Variants in CDH2 observed in about 807,000 individuals in gnomAD.
CDH2 encodes cadherin 2.
Under a neutral mutation model 92.0 loss-of-function variants are expected in CDH2, and 17 were observed. The observed-to-expected ratio is 0.18, with a 90% confidence interval of 0.13 to 0.28. CDH2 has a LOEUF of 0.28. Among genes scored for constraint, CDH2 ranks in the 10% least tolerant of loss-of-function variants. The pLI is 1.00. For missense variants in CDH2, 862 were observed against 1,133.1 expected (o/e 0.76, Z 3.44); for synonymous variants, 419 against 415.9 (o/e 1.01, Z -0.09).
intron 2 of CDH2, among the ~76,000 whole-genome samples, chr18:28,103,455 TATACACATAAAGTATGTATATATATAC>T: frequency 7.2e-6 from 1 of 138,948 alleles, no homozygotes; most frequent in South Asian, 2.2e-4. Context: ...TATATATATA[TATACACATAAAGTATGTATATATATAC>T]ACACACACAC....
chr18:28,144,846 G>A (rs914726225), intron 2 of CDH2, among the ~76,000 whole-genome samples: 2 of 151,986 alleles, frequency 1.3e-5, no homozygotes, highest in African/African-American at 4.8e-5. Flanking sequence ...TTAAAAACTA[G>A]AAGATAAATG....
At chr18:28,163,908 T>C (rs919357242) in intron 1 of CDH2, among the ~76,000 whole-genome samples, 9 of 152,220 alleles carry the variant, frequency 5.9e-5, no homozygotes, top group African/African-American at 1.7e-4. Context: ...CTCTGCCAGA[T>C]AGTAGTTAAC....
chr18:28,049,697 C>T (rs1052613766), intron 2 of CDH2, among the ~76,000 whole-genome samples: 14 of 152,200 alleles, frequency 9.2e-5, no homozygotes, highest in Admixed American at 2.0e-4. Flanking sequence ...GACAACCAAC[C>T]TCCACAACAA....
At chr18:28,029,332 T>C (rs1173952188) in intron 2 of CDH2, among the ~76,000 whole-genome samples, 1 of 152,148 alleles carries the variant, frequency 6.6e-6, no homozygotes, top group Non-Finnish European at 1.5e-5. Context: ...CATGTAAAAA[T>C]GTCTGACTTT....
intron 7 of CDH2, among the ~76,000 whole-genome samples, chr18:27,997,277 T>C (rs1168471407): frequency 6.6e-6 from 1 of 152,188 alleles, no homozygotes; most frequent in Non-Finnish European, 1.5e-5. Context: ...CAGTCATTCA[T>C]ACAGCAGACA....
intron 1 of CDH2, among the ~76,000 whole-genome samples, chr18:28,154,494 G>T (rs186767940): frequency 2.6e-5 from 4 of 152,222 alleles, no homozygotes; most frequent in Non-Finnish European, 5.9e-5. Context: ...TCCTTGTCTA[G>T]AGAGGACAGA....
chr18:28,007,337 A>G (rs1300221368), intron 5 of CDH2, among the ~76,000 whole-genome samples: 2 of 151,760 alleles, frequency 1.3e-5, no homozygotes, highest in Non-Finnish European at 2.9e-5. Flanking sequence ...CCTTTCCTCT[A>G]GAATAGATTC....
intron 2 of CDH2, among the ~76,000 whole-genome samples, chr18:28,043,880 AG>A (rs1368972037): frequency 3.6e-5 from 5 of 139,004 alleles, no homozygotes; most frequent in African/African-American, 1.3e-4. Flanking sequence ...CATCTTTCTC[AG>A]AATCTCGGAT....
intron 2 of CDH2, among the ~76,000 whole-genome samples, chr18:28,048,545 A>G (rs966232708): frequency 4.6e-5 from 7 of 152,192 alleles, no homozygotes; most frequent in Admixed American, 4.6e-4. Context: ...CTCCCAAAGC[A>G]TACAAAGTGG....
intron 2 of CDH2, among the ~76,000 whole-genome samples, chr18:28,043,041 C>A (rs1023919389): frequency 6.6e-6 from 1 of 152,150 alleles, no homozygotes; most frequent in Non-Finnish European, 1.5e-5. Context: ...CAAGAATTAT[C>A]ATCAGCATAT....
intron 6 of CDH2, among the ~76,000 whole-genome samples, chr18:27,945,323 ATTTTTTTTTT>A (rs66537834): frequency 1.2e-4 from 8 of 66,460 alleles, no homozygotes; most frequent in East Asian, 6.2e-4. Flanking sequence ...AGGAAGGAAG[ATTTTTTTTTT>A]TTTTTTTTTT....
intron 2 of CDH2, among the ~76,000 whole-genome samples, chr18:28,025,504 C>A (rs527890978): frequency 6.6e-6 from 1 of 150,662 alleles, no homozygotes; most frequent in African/African-American, 2.4e-5. Flanking sequence ...GGTGACAGAG[C>A]GAGACTGTCT....
At chr18:28,002,159 A>G (rs2012788681) in intron 7 of CDH2, among the ~76,000 whole-genome samples, 1 of 152,232 alleles carries the variant, frequency 6.6e-6, no homozygotes, top group African/African-American at 2.4e-5. Flanking sequence ...TCAGGAAAGA[A>G]TATGAGCAGT....
chr18:28,074,117 T>C (rs1444249486), intron 2 of CDH2, among the ~76,000 whole-genome samples: 2 of 152,212 alleles, frequency 1.3e-5, no homozygotes, highest in Non-Finnish European at 2.9e-5. Context: ...AAATACTTAA[T>C]GACAACTTGT....
At chr18:28,032,385 T>C (rs1487317978) in intron 2 of CDH2, among the ~76,000 whole-genome samples, 3 of 152,118 alleles carry the variant, frequency 2.0e-5, no homozygotes, top group South Asian at 2.1e-4. Flanking sequence ...GAATGATTCA[T>C]AACATAAGAA....
intron 1 of CDH2, among the ~76,000 whole-genome samples, chr18:28,161,266 T>C (rs1328547077): frequency 4.6e-5 from 7 of 151,988 alleles, no homozygotes; most frequent in Non-Finnish European, 1.0e-4. Context: ...GTGGTCATCA[T>C]TTGGTTTGGG....
intron 2 of CDH2, among the ~76,000 whole-genome samples, chr18:28,069,981 A>C (rs573046971): frequency 6.6e-6 from 1 of 152,268 alleles, no homozygotes; most frequent in South Asian, 2.1e-4. Flanking sequence ...CCTCCAGTGT[A>C]TCGACCTCCA....
chr18:28,075,331 C>T (rs1254247736), intron 2 of CDH2, among the ~76,000 whole-genome samples: 1 of 152,224 alleles, frequency 6.6e-6, no homozygotes, highest in South Asian at 2.1e-4. Context: ...GTGTCCCACC[C>T]GTGTCTGAGC....
Position 28,013,878 on chromosome 18 carries a change from T to G in CDH2, c.204A>C (p.Lys68Asn). 6.2e-7 allele frequency: 1 copy of G among 1,613,384 alleles called. No individual in the cohort carries two copies. The highest frequency in any genetic ancestry group is 8.5e-7 in the Non-Finnish European group (1 of 1,179,910). Residue 68 changes from lysine (K) to asparagine (N), a missense_variant, in exon 3 of 16, where the codon AAA (lysine) becomes AAC (asparagine). Physicochemically the swap from Lys to Asn is moderately conservative, Grantham distance 94. Around this residue, in one of 5 missense-constraint regions of CDH2, gnomAD observed 159 missense variants for 177.2 expected, o/e 0.90. Coordinates refer to ENST00000269141, the MANE Select transcript of CDH2 (RefSeq NM_001792.5). ...CAGGCTCACTGCTCTCATATTGTAC[T>G]TTTCTTTTTCCATTGCAGTTGCTAA... ...VKFSNCNGKR[K>N]VQYESSEPAD...
Sources: allele counts gnomAD v4.1 joint callset (sites outside exome capture counted in the v4.1 genomes callset), GRCh38; gene constraint gnomAD v4.1.1; regional missense constraint gnomAD v4.1.1; transcripts MANE v1.5; gene names NCBI Gene and HGNC (gene_info 2026-07-23, HGNC 2026-07-21).